Variants in LSM14B observed in about 807,000 individuals in gnomAD.
LSM14B encodes the protein protein LSM14 homolog B.
Under a neutral mutation model 42.1 loss-of-function variants are expected in LSM14B, and 8 were observed. That is an observed-to-expected ratio of 0.19 (90% CI 0.11 to 0.34). The LOEUF (loss-of-function observed/expected upper bound fraction) is 0.34, where lower values mean the gene tolerates loss of function less well. Ranked by LOEUF, LSM14B falls within the 10% of genes least tolerant of loss-of-function variation. The probability of loss-of-function intolerance (pLI) is 1.00; values close to 1 mark genes in which losing one functional copy is unlikely to be tolerated. For synonymous variants in LSM14B, 219 were observed against 209.7 expected (o/e 1.04, Z -0.38); for missense variants, 396 against 513.1 (o/e 0.77, Z 2.21).
At chr20:62,129,678 T>G in intron 3 of LSM14B, 107 bp from the exon 4 acceptor site, 1 of 1,213,840 alleles carries the variant, frequency 8.2e-7, no homozygotes. Flanking sequence ...ATCTAGGCAG[T>G]TGCCCTCCTT....
intron 8 of LSM14B, 73 bp downstream of exon 8, chr20:62,133,548 G>A: frequency 6.6e-7 from 1 of 1,504,652 alleles, no homozygotes; most frequent in Non-Finnish European, 8.9e-7. Flanking sequence ...GCTTAGGAAG[G>A]TGGGGAGCAG....
rs2056526471 is a variant in LSM14B, at chr20:62,124,506, T to C, written c.128-111T>C. The C allele has an allele frequency of 5.3e-5, 62 of 1,161,846 alleles. No individual in the cohort carries two copies. The South Asian group carries it at 9.1e-4, about 17-fold the overall frequency. 72.0% of individuals were successfully genotyped at this position (1,161,846 alleles called of 1,614,324 possible). ...GAAATGTGGACCTGGGGTGCTGTGT[T>C]GTGGCTCTGAGCAAGTGTCGCCGTC... On this transcript the variant is annotated intron_variant, in intron 1 of 8. Coordinates refer to ENST00000279068, the MANE Select transcript of LSM14B (RefSeq NM_144703.3).
chr20:62,133,681 A>C (rs541953891), intron 8 of LSM14B, among the ~76,000 whole-genome samples: 1 of 152,344 alleles, frequency 6.6e-6, no homozygotes, highest in East Asian at 1.9e-4. Flanking sequence ...GGTAGGATCC[A>C]GGCCCCAGCA....
At chr20:62,131,783 G>A (rs760222430) in intron 7 of LSM14B, among the ~76,000 whole-genome samples, 2 of 152,248 alleles carry the variant, frequency 1.3e-5, no homozygotes, top group Middle Eastern at 3.4e-3. Context: ...CGCCCCCCCC[G>A]GCAGACCCGT....
chr20:62,130,513 G>C lies in LSM14B; in HGVS notation c.674-17G>C. On this transcript the variant is annotated splice_polypyrimidine_tract_variant and intron_variant, in intron 5 of 8. Coordinates refer to ENST00000279068, the MANE Select transcript of LSM14B (RefSeq NM_144703.3). This position sits in a 1 kb window ranked among gnomAD's most constrained non-coding sequence, Gnocchi z 4.1. ...TTGGTGACCTACTTCAGCCAGGGCT[G>C]TCCTTTGTCCTCACAGGAAACAGGC... The C allele has an allele frequency of 6.2e-7, 1 of 1,612,606 alleles. No individual in the cohort carries two copies. The highest frequency in any genetic ancestry group is 8.5e-7 in the Non-Finnish European group (1 of 1,179,078).
chr20:62,124,431 G>A (rs1165318318), intron 1 of LSM14B, among the ~76,000 whole-genome samples, 186 bp from the exon 2 acceptor site: 1 of 152,220 alleles, frequency 6.6e-6, no homozygotes, highest in Admixed American at 6.5e-5. Flanking sequence ...TTCACCAATT[G>A]GTGCATTATC....
At chr20:62,125,035 C>T (rs1386420676) in intron 2 of LSM14B, among the ~76,000 whole-genome samples, 2 of 152,162 alleles carry the variant, frequency 1.3e-5, no homozygotes, top group African/African-American at 4.8e-5. Context: ...GACGCACCAC[C>T]ATGCCCAGCT....
In LSM14B at chr20:62,134,423, G is replaced by T; in HGVS notation, c.*275G>T. 2 of 325,324 alleles carry T rather than the reference G, an allele frequency of 6.1e-6. No individual in the cohort carries two copies. Among genetic ancestry groups the T allele is most frequent in the South Asian group, 4.9e-5 (2 of 40,814 alleles). 20.2% of individuals were successfully genotyped at this position (325,324 alleles called of 1,614,324 possible). On this transcript the variant is annotated 3_prime_UTR_variant, in exon 9 of 9. Transcript: ENST00000279068. Reference sequence around the variant, plus strand: ...GCGCATAGCCTAATTCTAAGGTTTTGGTATTTTGCAAAAAGGTTTCTATAG... The same window carrying T: ...GCGCATAGCCTAATTCTAAGGTTTTTGTATTTTGCAAAAAGGTTTCTATAG...
In LSM14B at chr20:62,122,622, C is replaced by G. The variant is rs1387284420; in HGVS notation, c.-45C>G. The G allele has an allele frequency of 3.8e-5, 46 of 1,211,542 alleles. No individual in the cohort carries two copies. Among genetic ancestry groups the G allele is most frequent in the Non-Finnish European group, 4.6e-5 (44 of 950,616 alleles). The allele number at this position is 1,211,542 out of a possible 1,614,324, so 75.0% of individuals were successfully genotyped here. On this transcript the variant is annotated 5_prime_UTR_variant, in exon 1 of 9. Transcript: ENST00000279068. This position sits in a 1 kb window ranked among gnomAD's most constrained non-coding sequence, Gnocchi z 4.6. ...CGCGGCGGCGGAGCGGGCCGCGGCC[C>G]GGCGCTCCTTCCCCACCGCGGCCCG...
rs558496496 is a variant in LSM14B, at chr20:62,126,331, C to T, written c.319C>T (p.Pro107Ser). 1.2e-6 allele frequency: 2 copies of T among 1,613,836 alleles called. No individual in the cohort carries two copies. Among genetic ancestry groups the T allele is most frequent in the African/African-American group, 2.7e-5 (2 of 75,076 alleles). ...TTCCCTGGGTTCTGCCTCCGCCTCG[C>T]CCTTCCAGCCGCACGTGCCTTACAG... ...QSSLGSASASPFQPHVPYSPF... is the reference protein window; with the variant it reads ...QSSLGSASASSFQPHVPYSPF... Residue 107 changes from proline to serine, a missense_variant, in exon 3 of 9, where the codon CCC (proline) becomes TCC (serine). This residue lies in a region of LSM14B where 274 missense variants were observed against 335.8 expected (regional missense o/e 0.82). Transcript: ENST00000279068.
At chr20:62,132,987 CTG>C (rs1259106095) in intron 7 of LSM14B, among the ~76,000 whole-genome samples, 1 of 152,220 alleles carries the variant, frequency 6.6e-6, no homozygotes, top group East Asian at 1.9e-4. Context: ...GGGCTCCTCT[CTG>C]TGCCCAGCGA....
intron 6 of LSM14B, among the ~76,000 whole-genome samples, chr20:62,131,150 G>T (rs1168424640): frequency 6.6e-6 from 1 of 152,228 alleles, no homozygotes; most frequent in Non-Finnish European, 1.5e-5. Context: ...GTGAAAATGG[G>T]TGGGATAAGG....
At chr20:62,123,665 C>T (rs1226364547) in intron 1 of LSM14B, among the ~76,000 whole-genome samples, 1 of 152,242 alleles carries the variant, frequency 6.6e-6, no homozygotes, top group Non-Finnish European at 1.5e-5. Context: ...TCTGCCTAAG[C>T]CCGTGTGTGT....
In LSM14B at chr20:62,130,052, C is replaced by A. The variant is rs573088894; in HGVS notation, c.595+100C>A. The A allele has an allele frequency of 1.2e-4, 170 of 1,410,838 alleles. No homozygotes were observed. The African/African-American group carries it at 2.3e-3, about 19-fold the overall frequency. The allele number at this position is 1,410,838 out of a possible 1,614,324, so 87.4% of individuals were successfully genotyped here. A position where few individuals can be genotyped will look rare whatever the true frequency, so the allele number is the denominator to read the frequency against. On this transcript the variant is annotated intron_variant, in intron 4 of 8. Transcript: ENST00000279068. This position sits in a 1 kb window ranked among gnomAD's most constrained non-coding sequence, Gnocchi z 4.1. ...TTTTTTTAATTAAAAAAATACTACTCCCCCATCCTAAGCCCCATGTGCTTT... is the reference window on the plus strand; with the variant it reads ...TTTTTTTAATTAAAAAAATACTACTACCCCATCCTAAGCCCCATGTGCTTT...
rs1158160501 is a variant in LSM14B at position 62,134,192 on chromosome 20, CTGTG to C, written c.*50_*53del. ...CTACTGAAGTGGCGCATAACTGACG[CTGTG>C]TGTGTCAGGACGCGAGGAAAACGCT... On this transcript the variant is annotated 3_prime_UTR_variant, in exon 9 of 9. Coordinates refer to ENST00000279068, the MANE Select transcript of LSM14B (RefSeq NM_144703.3). 6 of 469,788 alleles carry C rather than the reference CTGTG, an allele frequency of 1.3e-5. No individual in the cohort carries two copies. The highest frequency in any genetic ancestry group is 1.0e-4 in the African/African-American group (5 of 49,942). The allele number at this position is 469,788 out of a possible 1,614,324, so 29.1% of individuals were successfully genotyped here.
At position 62,129,946 on chromosome 20, in the gene LSM14B, G is replaced by A; in HGVS notation, c.589G>A (p.Ala197Thr). The change falls in exon 4 of 9, where the codon GCC becomes ACC. Residue 197 changes from alanine (A) to threonine (T), a missense_variant. By Grantham distance (58) the Ala-to-Thr change is moderately conservative. This residue lies in a region of LSM14B where 274 missense variants were observed against 335.8 expected (regional missense o/e 0.82). Coordinates refer to ENST00000279068, the MANE Select transcript of LSM14B (RefSeq NM_144703.3). ...GRQAQPSSKT[A>T]SDVVQPAAVQ... The stretch of plus-strand genomic sequence containing the variant: ...TCAGGCCCAGCCGAGCAGCAAGACG[G>A]CCAGCGGTACTTGAACACATCATTT... The A allele has an allele frequency of 6.2e-7, 1 of 1,612,582 alleles. No individual in the cohort carries two copies. The highest frequency in any genetic ancestry group is 1.1e-5 in the South Asian group (1 of 90,938).
At chr20:62,127,684 A>G in intron 3 of LSM14B, 1 of 1,550,628 alleles carries the variant, frequency 6.4e-7, no homozygotes, top group Non-Finnish European at 8.7e-7. Context: ...TCAGAGCCAC[A>G]GCAGCTCACT....
In LSM14B at chr20:62,133,302, G is replaced by A. The variant is rs368763993; in HGVS notation, c.999G>A (p.Thr333=). 4.7e-5 allele frequency: 76 copies of A among 1,613,308 alleles called. No individual in the cohort carries two copies. The highest frequency in any genetic ancestry group is 9.3e-5 in the African/African-American group (7 of 74,868). Residue 333 remains threonine (T), a synonymous_variant, in exon 8 of 9, where the codon ACG becomes ACA. Transcript: ENST00000279068. The part of the protein sequence containing the change: ...SSELKTSSRR[T]TWAEERKLNT... ...CTCTGTGGTTTAGCTCCAGGCGGAC[G>A]ACGTGGGCCGAAGAGAGGAAGCTCA...
intron 3 of LSM14B, chr20:62,127,825 C>G: frequency 1.3e-6 from 1 of 772,592 alleles, no homozygotes; most frequent in Middle Eastern, 2.2e-4. Context: ...AGCCGCTGAG[C>G]TGCTTGTTTT....
Sources: allele counts gnomAD v4.1 joint callset (sites outside exome capture counted in the v4.1 genomes callset), GRCh38; gene constraint gnomAD v4.1.1; regional missense constraint gnomAD v4.1.1; non-coding constraint Gnocchi (gnomAD v3.1); transcripts MANE v1.5; gene names NCBI Gene and HGNC (gene_info 2026-07-23, HGNC 2026-07-21).